The following CFAP54 variants were observed in gnomAD, a reference collection of about 807,000 sequenced individuals.
The protein encoded by CFAP54 is cilia- and flagella-associated protein 54.
A neutral mutation model predicts 370.4 loss-of-function variants in CFAP54; 290 were observed. The observed-to-expected ratio is 0.78, with a 90% CI of 0.71 to 0.86. The LOEUF (loss-of-function observed/expected upper bound fraction) is 0.86. CFAP54 is among the 40% of genes least tolerant of loss of function. CFAP54 has a pLI of 0.00. For synonymous variants in CFAP54, 1,206 were observed against 1,236.5 expected (o/e 0.98, Z 0.52); for missense variants, 3,399 against 3,528.7 (o/e 0.96, Z 0.93).
intron 1 of CFAP54, among the ~76,000 whole-genome samples, chr12:96,491,614 TA>T: frequency 6.6e-6 from 1 of 152,114 alleles, no homozygotes; most frequent in Non-Finnish European, 1.5e-5. Context: ...GGAAAACCAT[TA>T]AGTGCCTGGT....
chr12:96,687,682 C>T (rs991885538), intron 42 of CFAP54, among the ~76,000 whole-genome samples: 2 of 152,018 alleles, frequency 1.3e-5, no homozygotes, highest in African/African-American at 4.8e-5. Context: ...AGATTTAGAC[C>T]TCTGTCAAGT....
At chr12:96,643,617 A>T (rs966133021) in intron 32 of CFAP54, among the ~76,000 whole-genome samples, 1 of 152,170 alleles carries the variant, frequency 6.6e-6, no homozygotes, top group African/African-American at 2.4e-5. Context: ...AAAAAATTGA[A>T]TATATATAAT....
chr12:96,598,130 T>C (rs1956198426), intron 25 of CFAP54, among the ~76,000 whole-genome samples: 1 of 151,948 alleles, frequency 6.6e-6, no homozygotes, highest in African/African-American at 2.4e-5. Context: ...CTTGATCAAA[T>C]TTAAGATCAT....
At chr12:96,838,212 G>T (rs895526274) in intron 66 of CFAP54, among the ~76,000 whole-genome samples, 1 of 151,988 alleles carries the variant, frequency 6.6e-6, no homozygotes, top group Non-Finnish European at 1.5e-5. Flanking sequence ...GCTCAGTAGG[G>T]TATAATTTAT....
intron 42 of CFAP54, among the ~76,000 whole-genome samples, chr12:96,686,043 C>G (rs983868801): frequency 6.6e-6 from 1 of 152,210 alleles, no homozygotes; most frequent in Non-Finnish European, 1.5e-5. Flanking sequence ...ACATGCTATA[C>G]TGCATCAGTT....
intron 48 of CFAP54, among the ~76,000 whole-genome samples, chr12:96,717,895 G>A (rs1957703639): frequency 6.6e-6 from 1 of 152,150 alleles, no homozygotes; most frequent in South Asian, 2.1e-4. Context: ...TTTCAGAATT[G>A]TCTGATTTGT....
chr12:96,729,763 T>A (rs1957896261), intron 50 of CFAP54, among the ~76,000 whole-genome samples: 1 of 152,160 alleles, frequency 6.6e-6, no homozygotes, highest in Admixed American at 6.5e-5. Context: ...AATGCAGAAA[T>A]CACCCGTCTT....
chr12:96,784,733 C>A lies in CFAP54; in HGVS notation c.8298C>A (p.Leu2766=). 1 of 1,524,050 alleles carries A rather than the reference C, an allele frequency of 6.6e-7. No homozygotes were observed. The highest frequency in any genetic ancestry group is 8.8e-7 in the Non-Finnish European group (1 of 1,141,860). The allele number at this position is 1,524,050 out of a possible 1,614,324, so 94.4% of individuals were successfully genotyped here. Reference sequence around the variant, plus strand: ...CACTTTCAGACAACTACCAAGTCCTCTTCCAGACTTCCTGTACATTTTTGT... The same window carrying A: ...CACTTTCAGACAACTACCAAGTCCTATTCCAGACTTCCTGTACATTTTTGT... ...TDYLLDNYQV[L]FQTSCTFLYQ... is the part of the protein sequence containing the mutation. Residue 2766 remains leucine (L), a synonymous_variant, in exon 61 of 68, where the codon CTC becomes CTA. Transcript: ENST00000524981.
Position 96,734,685 on chromosome 12 carries a change from G to T in CFAP54, c.6966-5271G>T, listed in dbSNP as rs79131656. On this transcript the variant is annotated intron_variant, in intron 50 of 67. Coordinates refer to ENST00000524981, the MANE Select transcript of CFAP54 (RefSeq NM_001306084.2). ...CAGTGTATGAATTCTTAAAAATTAGGTTATTTCACATGAACTAAAAAGTTT... is the reference window on the plus strand; with the variant it reads ...CAGTGTATGAATTCTTAAAAATTAGTTTATTTCACATGAACTAAAAAGTTT... 3.5e-3 allele frequency among the ~76,000 whole-genome samples: 532 copies of T among 152,006 alleles called. 20 individuals carry two copies. In the East Asian group the frequency reaches 0.056, roughly 16 times the overall value.
rs1405864204 is a variant in CFAP54, at chr12:96,521,946, A to G, written c.1032A>G (p.Arg344=). The part of the protein sequence containing the change: ...SSSKSQEESR[R]YFREATMKMA... ...CAAAATCCCAGGAAGAATCGCGAAGATATTTTCGAGAGGCCACAATGAAGG... is the reference window on the plus strand; with the variant it reads ...CAAAATCCCAGGAAGAATCGCGAAGGTATTTTCGAGAGGCCACAATGAAGG... Residue 344 remains arginine (R), a synonymous_variant, in exon 7 of 68, where the codon AGA becomes AGG. Coordinates refer to ENST00000524981, the MANE Select transcript of CFAP54 (RefSeq NM_001306084.2). 1 of 1,534,614 alleles carries G rather than the reference A, an allele frequency of 6.5e-7. No individual in the cohort carries two copies. Among genetic ancestry groups the G allele is most frequent in the South Asian group, 1.2e-5 (1 of 83,992 alleles).
At chr12:96,563,881 T>C (rs1955839050) in intron 17 of CFAP54, among the ~76,000 whole-genome samples, 1 of 152,356 alleles carries the variant, frequency 6.6e-6, no homozygotes, top group African/African-American at 2.4e-5. Flanking sequence ...GTATCCTTTT[T>C]TCCCCTCATC....
chr12:96,512,457 C>G (rs1955183912), intron 4 of CFAP54, among the ~76,000 whole-genome samples: 1 of 151,228 alleles, frequency 6.6e-6, no homozygotes, highest in African/African-American at 2.4e-5. Context: ...ATTTTTCTCC[C>G]TCAGTCTCCC....
At chr12:96,850,925 C>A (rs949354084) in intron 66 of CFAP54, among the ~76,000 whole-genome samples, 1 of 152,140 alleles carries the variant, frequency 6.6e-6, no homozygotes, top group East Asian at 1.9e-4. Context: ...CCACCAGTTC[C>A]CTTCCTTGAC....
At chr12:96,510,715 C>T (rs748166147) in intron 4 of CFAP54, among the ~76,000 whole-genome samples, 18 of 152,028 alleles carry the variant, frequency 1.2e-4, no homozygotes, top group East Asian at 1.2e-3. Context: ...TCACGCTTCT[C>T]ATCACAGCAC....
intron 67 of CFAP54, among the ~76,000 whole-genome samples, chr12:96,864,553 A>C (rs1959957466): frequency 6.6e-6 from 1 of 152,084 alleles, no homozygotes; most frequent in African/African-American, 2.4e-5. Context: ...TACTCTCCAG[A>C]AACTTGGTTT....
At chr12:96,588,074 A>G (rs1483983801) in intron 22 of CFAP54, among the ~76,000 whole-genome samples, 1 of 152,226 alleles carries the variant, frequency 6.6e-6, no homozygotes, top group African/African-American at 2.4e-5. Flanking sequence ...AAATTCTTCC[A>G]TCTGATTTTC....
chr12:96,757,550 C>T lies in CFAP54; in HGVS notation c.8002C>T (p.Pro2668Ser), dbSNP rs778677291. 2 of 1,598,274 alleles carry T rather than the reference C, an allele frequency of 1.3e-6. No individual in the cohort carries two copies. Among genetic ancestry groups the T allele is most frequent in the African/African-American group, 2.7e-5 (2 of 74,626 alleles). Residue 2668 changes from proline (P) to serine (S), a missense_variant, in exon 58 of 68, where the codon CCA becomes TCA. Physicochemically the swap from Pro to Ser is moderately conservative, Grantham distance 74. Coordinates refer to ENST00000524981, the MANE Select transcript of CFAP54 (RefSeq NM_001306084.2). ...MALLYFHLKKPKIKISGSPLT... is the reference protein window; with the variant it reads ...MALLYFHLKKSKIKISGSPLT... ...TCTATTGTATTTTCATCTGAAGAAG[C>T]CAAAGATAAAAATTTCAGGATCACC... is the stretch of plus-strand genomic sequence containing the variant.
chr12:96,607,684 G>T (rs1280178774), intron 26 of CFAP54, among the ~76,000 whole-genome samples: 1 of 152,158 alleles, frequency 6.6e-6, no homozygotes, highest in African/African-American at 2.4e-5. Context: ...AATACATATG[G>T]AAATACATGT....
At chr12:96,822,939 T>G (rs1959049133) in intron 65 of CFAP54, among the ~76,000 whole-genome samples, 1 of 152,212 alleles carries the variant, frequency 6.6e-6, no homozygotes, top group Non-Finnish European at 1.5e-5. Context: ...AGCAATTTAT[T>G]ATGTTGTTCA....
Sources: gnomAD v4.1 joint callset for allele counts (sites outside exome capture counted in the v4.1 genomes callset) on GRCh38, gnomAD v4.1.1 for gene constraint, MANE v1.5 for transcripts, NCBI Gene and HGNC (gene_info 2026-07-23, HGNC 2026-07-21) for gene names.